Variants in STXBP5L observed in about 807,000 individuals in gnomAD.
STXBP5L encodes syntaxin binding protein 5L.
Under a neutral mutation model 144.5 loss-of-function variants are expected in STXBP5L, and 65 were observed. That is an observed-to-expected ratio of 0.45 (90% CI 0.37 to 0.55). STXBP5L has a LOEUF of 0.55. Ranked by LOEUF, STXBP5L falls within the 20% of genes least tolerant of loss-of-function variation. The pLI is 0.00. For missense variants in STXBP5L, 1,298 were observed against 1,405.5 expected (o/e 0.92, Z 1.22); for synonymous variants, 505 against 469.6 (o/e 1.08, Z -0.97).
At chr3:120,991,000 A>T (rs965896921) in intron 3 of STXBP5L, among the ~76,000 whole-genome samples, 1 of 152,206 alleles carries the variant, frequency 6.6e-6, no homozygotes, top group African/African-American at 2.4e-5. Context: ...TAAACTAAAG[A>T]GCTTCTGCAC....
At chr3:121,167,961 T>A (rs1408064636) in intron 9 of STXBP5L, among the ~76,000 whole-genome samples, 2 of 152,120 alleles carry the variant, frequency 1.3e-5, no homozygotes, top group Non-Finnish European at 2.9e-5. Context: ...GGTGCCCCTC[T>A]GGGACAAGCT....
chr3:121,258,979 C>A lies in STXBP5L; in HGVS notation c.1833-64C>A, dbSNP rs1253957761. The A allele has an allele frequency of 2.7e-5, 39 of 1,421,824 alleles. No homozygotes were observed. In the Middle Eastern group the frequency reaches 6.2e-4, roughly 23 times the overall value. 88.1% of individuals were successfully genotyped at this position (1,421,824 alleles called of 1,614,324 possible). A position where few individuals can be genotyped will look rare whatever the true frequency, so the allele number is the denominator to read the frequency against. ...TCTGTAGCATGATTCTATGTAAATT[C>A]TCAAGATAAGTTTGACCATGTTTAT... On this transcript the variant is annotated intron_variant, in intron 17 of 26. Transcript: ENST00000471454.
intron 18 of STXBP5L, among the ~76,000 whole-genome samples, chr3:121,259,577 G>C (rs2050320574): frequency 6.6e-6 from 1 of 151,864 alleles, no homozygotes; most frequent in Non-Finnish European, 1.5e-5. Flanking sequence ...TTATTTTTCA[G>C]TTCTAGACCT....
chr3:121,329,829 C>T (rs975114320), intron 20 of STXBP5L, among the ~76,000 whole-genome samples: 1 of 152,134 alleles, frequency 6.6e-6, no homozygotes, highest in Admixed American at 6.5e-5. Context: ...CACTGCACTC[C>T]AGCCTGGGTG....
chr3:121,130,006 A>T (rs2044901429), intron 7 of STXBP5L, among the ~76,000 whole-genome samples: 4 of 152,096 alleles, frequency 2.6e-5, no homozygotes. Context: ...TTGGATTTGA[A>T]TCATAGTTTA....
At chr3:121,213,268 A>C (rs957120230) in intron 10 of STXBP5L, among the ~76,000 whole-genome samples, 2 of 151,948 alleles carry the variant, frequency 1.3e-5, no homozygotes, top group African/African-American at 4.8e-5. Flanking sequence ...GTGGTGAGAG[A>C]CCTCATCCTT....
chr3:120,993,442 T>C (rs763847103), intron 3 of STXBP5L, among the ~76,000 whole-genome samples: 30 of 152,136 alleles, frequency 2.0e-4, no homozygotes, highest in Non-Finnish European at 3.7e-4. Context: ...CAGTTCCAGG[T>C]CTTATGTTTA....
chr3:121,305,608 A>G (rs2043311396), intron 19 of STXBP5L, among the ~76,000 whole-genome samples: 1 of 152,198 alleles, frequency 6.6e-6, no homozygotes, highest in Admixed American at 6.5e-5. Flanking sequence ...ATATTTTAAA[A>G]TAAAAATCCT....
At chr3:121,152,943 C>G (rs2045981558) in intron 8 of STXBP5L, among the ~76,000 whole-genome samples, 1 of 152,044 alleles carries the variant, frequency 6.6e-6, no homozygotes, top group South Asian at 2.1e-4. Flanking sequence ...TCTCTAAAGA[C>G]ACTATTCACA....
intron 9 of STXBP5L, among the ~76,000 whole-genome samples, chr3:121,203,014 A>T (rs2108220106): frequency 6.6e-6 from 1 of 151,070 alleles, no homozygotes; most frequent in East Asian, 1.9e-4. Flanking sequence ...TATTCTTGTG[A>T]TTAACAGTAT....
intron 9 of STXBP5L, among the ~76,000 whole-genome samples, chr3:121,167,679 A>G (rs960469936): frequency 2.6e-5 from 4 of 152,218 alleles, no homozygotes; most frequent in African/African-American, 7.2e-5. Context: ...CAGCAGCCCC[A>G]GTCAGGGGCT....
chr3:121,305,325 A>T (rs1200623089), intron 19 of STXBP5L, among the ~76,000 whole-genome samples: 3 of 152,166 alleles, frequency 2.0e-5, no homozygotes, highest in Non-Finnish European at 4.4e-5. Flanking sequence ...TGAAACCAGC[A>T]CAATGTTGAT....
chr3:121,235,466 C>T (rs190589137), intron 12 of STXBP5L, among the ~76,000 whole-genome samples: 49 of 152,116 alleles, frequency 3.2e-4, no homozygotes, highest in African/African-American at 1.2e-3. Context: ...TTTTTGCCTA[C>T]TCTTTGCCAA....
intron 23 of STXBP5L, among the ~76,000 whole-genome samples, chr3:121,408,435 T>A (rs919988062): frequency 2.6e-5 from 4 of 151,900 alleles, no homozygotes; most frequent in African/African-American, 4.8e-5. Context: ...AAACTCACTG[T>A]CTAACTTGGG....
At chr3:120,913,291 G>T (rs1708942485) in intron 2 of STXBP5L, among the ~76,000 whole-genome samples, 1 of 151,842 alleles carries the variant, frequency 6.6e-6, no homozygotes. Flanking sequence ...TAACTCTGGT[G>T]TCTAAAATAG....
At chr3:121,061,166 G>A (rs1299028073) in intron 5 of STXBP5L, among the ~76,000 whole-genome samples, 3 of 152,234 alleles carry the variant, frequency 2.0e-5, no homozygotes, top group South Asian at 2.1e-4. Flanking sequence ...ATTCTGGTAC[G>A]TTAAGTCTTT....
At chr3:121,289,866 A>C (rs1285060187) in intron 19 of STXBP5L, among the ~76,000 whole-genome samples, 3 of 152,180 alleles carry the variant, frequency 2.0e-5, no homozygotes, top group African/African-American at 7.2e-5. Flanking sequence ...ACTGAGTGGT[A>C]ATAGTGGCAC....
intron 20 of STXBP5L, among the ~76,000 whole-genome samples, chr3:121,345,047 A>C (rs1360761592): frequency 6.6e-6 from 1 of 151,990 alleles, no homozygotes; most frequent in Non-Finnish European, 1.5e-5. Context: ...TCTAGGGTAC[A>C]TGTGCACAAC....
intron 5 of STXBP5L, among the ~76,000 whole-genome samples, chr3:121,088,347 A>G (rs570068592): frequency 1.9e-4 from 22 of 115,464 alleles, no homozygotes; most frequent in African/African-American, 7.5e-4. Flanking sequence ...AGAAATGCTC[A>G]TCATCACTGG....
Sources: gnomAD v4.1 joint callset for allele counts (sites outside exome capture counted in the v4.1 genomes callset) on GRCh38, gnomAD v4.1.1 for gene constraint, MANE v1.5 for transcripts, NCBI Gene and HGNC (gene_info 2026-07-23, HGNC 2026-07-21) for gene names.